Variants in GAS7 observed in about 807,000 individuals in gnomAD.
The protein encoded by GAS7 is growth arrest specific 7, also known as growth arrest-specific protein 7.
Under a neutral mutation model 71.1 loss-of-function variants are expected in GAS7, and 28 were observed. The ratio of observed to expected loss-of-function variants is 0.39; its 90% CI spans 0.29 to 0.54. The LOEUF (loss-of-function observed/expected upper bound fraction) is 0.54, where lower values mean the gene tolerates loss of function less well. Ranked by LOEUF, GAS7 falls within the 20% of genes least tolerant of loss-of-function variation. The pLI, the probability that GAS7 is intolerant of heterozygous loss-of-function variation, is 0.62. For missense variants in GAS7, 436 were observed against 627.8 expected, an observed-to-expected ratio of 0.69 and a Z score of 3.27; for synonymous variants, 258 against 245.8, an observed-to-expected ratio of 1.05 and a Z score of -0.46.
chr17:10,051,088 C>A (rs201880142), intron 1 of GAS7, among the ~76,000 whole-genome samples: 2 of 152,216 alleles, frequency 1.3e-5, no homozygotes, highest in East Asian at 3.8e-4. Flanking sequence ...AGCCATATAA[C>A]CCTGGCCAAG....
chr17:10,013,208 A>C, intron 2 of GAS7, among the ~76,000 whole-genome samples: 1 of 152,006 alleles, frequency 6.6e-6, no homozygotes, highest in South Asian at 2.1e-4. Context: ...AAGCAGGCCC[A>C]CACCCGACAC....
chr17:10,075,601 C>A (rs2073381669), intron 1 of GAS7, among the ~76,000 whole-genome samples: 1 of 151,900 alleles, frequency 6.6e-6, no homozygotes, highest in Non-Finnish European at 1.5e-5. Flanking sequence ...TCAATACCAG[C>A]CTGGGCAATA....
chr17:10,082,607 C>T (rs1042827164), intron 1 of GAS7, among the ~76,000 whole-genome samples: 10 of 152,212 alleles, frequency 6.6e-5, no homozygotes, highest in African/African-American at 2.4e-4. Flanking sequence ...AAGTTAAATG[C>T]ATGCTTACCA....
intron 4 of GAS7, among the ~76,000 whole-genome samples, chr17:9,968,629 T>C (rs2069822927): frequency 6.6e-6 from 1 of 152,218 alleles, no homozygotes; most frequent in Non-Finnish European, 1.5e-5. Context: ...TAACAGCCAA[T>C]GGGTCTCCAG....
chr17:10,128,634 T>C (rs2142084459), intron 1 of GAS7, among the ~76,000 whole-genome samples: 1 of 150,024 alleles, frequency 6.7e-6, no homozygotes, highest in African/African-American at 2.4e-5. Flanking sequence ...CTTTTCTCTT[T>C]TTTTTTTTTT....
intron 1 of GAS7, among the ~76,000 whole-genome samples, chr17:10,163,944 G>A (rs1216022803): frequency 6.6e-6 from 1 of 152,126 alleles, no homozygotes; most frequent in Non-Finnish European, 1.5e-5. Context: ...ACACTGTCTG[G>A]TGCAAAGAAA....
chr17:9,913,859 T>G lies in GAS7; in HGVS notation c.*3369A>C. The G allele has an allele frequency of 4.3e-6, 1 of 231,924 alleles. No individual in the cohort carries two copies. The highest frequency in any genetic ancestry group is 8.5e-6 in the Non-Finnish European group (1 of 117,218). 14.4% of individuals were successfully genotyped at this position (231,924 alleles called of 1,614,324 possible). ...TTTTTTTTTTCTTTTTAAATCAGGC[T>G]TTCACAAACAGATCTTGTGCATCAG... is the stretch of plus-strand genomic sequence containing the variant. On this transcript the variant is annotated 3_prime_UTR_variant, in exon 14 of 14. Transcript: ENST00000432992.
At chr17:10,073,075 G>T (rs1002507343) in intron 1 of GAS7, among the ~76,000 whole-genome samples, 3 of 152,150 alleles carry the variant, frequency 2.0e-5, no homozygotes, top group African/African-American at 4.8e-5. Context: ...GCAAAGGCTC[G>T]CTGGAATGAG....
intron 1 of GAS7, among the ~76,000 whole-genome samples, chr17:10,173,188 G>C (rs886830220): frequency 6.6e-6 from 1 of 152,208 alleles, no homozygotes; most frequent in African/African-American, 2.4e-5. Context: ...GCGAAGGGAG[G>C]AGAATGGGGA....
At chr17:10,174,688 T>C (rs2074360041) in intron 1 of GAS7, among the ~76,000 whole-genome samples, 1 of 151,214 alleles carries the variant, frequency 6.6e-6, no homozygotes, top group East Asian at 1.9e-4. Flanking sequence ...CGAGACTCCG[T>C]ATCAAAAAAA....
chr17:10,050,588 C>A (rs2073049541), intron 1 of GAS7, among the ~76,000 whole-genome samples: 1 of 152,114 alleles, frequency 6.6e-6, no homozygotes, highest in Admixed American at 6.6e-5. Context: ...AGGACCACTC[C>A]CCAAGATGAC....
chr17:9,940,909 T>A (rs2068579613), intron 7 of GAS7, among the ~76,000 whole-genome samples: 1 of 152,188 alleles, frequency 6.6e-6, no homozygotes, highest in Non-Finnish European at 1.5e-5. Context: ...ACCTAAGTGG[T>A]CCTCTGGGCC....
chr17:10,011,997 TA>T (rs1412553523), intron 2 of GAS7, among the ~76,000 whole-genome samples: 5 of 148,248 alleles, frequency 3.4e-5, no homozygotes, highest in Admixed American at 6.7e-5. Flanking sequence ...AAACAAAAGA[TA>T]CCATCTCAAA....
Position 10,026,049 on chromosome 17 carries a change from C to T in GAS7, c.184-6152G>A. On this transcript the variant is annotated intron_variant, in intron 1 of 13. Coordinates refer to ENST00000432992, the MANE Select transcript of GAS7 (RefSeq NM_201433.2). This position sits in a 1 kb window ranked among gnomAD's most constrained non-coding sequence, Gnocchi z 4.5. ...ACAGACCCTGCTACTCCGCTCCCTA[C>T]CGCTCCCACCATGCTTCAAGCTCAA... 4.9e-6 allele frequency: 2 copies of T among 410,738 alleles called. No homozygotes were observed. Among genetic ancestry groups the T allele is most frequent in the Non-Finnish European group, 6.6e-6 (2 of 304,534 alleles). 25.4% of individuals were successfully genotyped at this position (410,738 alleles called of 1,614,324 possible). A position where few individuals can be genotyped will look rare whatever the true frequency, so the allele number is the denominator to read the frequency against.
intron 1 of GAS7, among the ~76,000 whole-genome samples, chr17:10,070,395 G>A (rs1046216156): frequency 3.0e-5 from 4 of 131,382 alleles, no homozygotes; most frequent in Non-Finnish European, 4.6e-5. Context: ...ATGGAGTCTC[G>A]CTCTGTCACC....
intron 8 of GAS7, among the ~76,000 whole-genome samples, chr17:9,938,944 A>G (rs907714446): frequency 6.6e-6 from 1 of 152,194 alleles, no homozygotes; most frequent in Non-Finnish European, 1.5e-5. Context: ...AGTAGCATGT[A>G]TTAGTGTTCC....
intron 1 of GAS7, among the ~76,000 whole-genome samples, chr17:10,164,692 A>G (rs1280902392): frequency 6.6e-6 from 1 of 151,826 alleles, no homozygotes; most frequent in Non-Finnish European, 1.5e-5. Context: ...AAAATGAAAA[A>G]AAAAAGAAAA....
intron 1 of GAS7, among the ~76,000 whole-genome samples, chr17:10,156,481 T>C (rs2074206135): frequency 6.6e-6 from 1 of 152,336 alleles, no homozygotes; most frequent in Non-Finnish European, 1.5e-5. Flanking sequence ...TGTTTTAACA[T>C]GGGACAAAGC....
chr17:9,915,170 C>T lies in GAS7; in HGVS notation c.*2058G>A, dbSNP rs181816184. 2.2e-4 allele frequency: 51 copies of T among 231,290 alleles called. No individual in the cohort carries two copies. The highest frequency in any genetic ancestry group is 2.6e-3 in the Middle Eastern group (2 of 780). The allele number at this position is 231,290 out of a possible 1,614,324, so 14.3% of individuals were successfully genotyped here. A position where few individuals can be genotyped will look rare whatever the true frequency, so the allele number is the denominator to read the frequency against. ...GGCCAACCTGAGCTACCCTGGAAGA[C>T]GCAAGAGGGCTCACTCTATCCCAGG... On this transcript the variant is annotated 3_prime_UTR_variant, in exon 14 of 14. Coordinates refer to ENST00000432992, the MANE Select transcript of GAS7 (RefSeq NM_201433.2).
Sources: gnomAD v4.1 joint callset for allele counts (sites outside exome capture counted in the v4.1 genomes callset) on GRCh38, gnomAD v4.1.1 for gene constraint, Gnocchi (gnomAD v3.1) non-coding constraint, MANE v1.5 for transcripts, NCBI Gene and HGNC (gene_info 2026-07-23, HGNC 2026-07-21) for gene names.